Variants in LSAMP observed in about 807,000 individuals in gnomAD.
LSAMP encodes the protein limbic system-associated membrane protein.
Under a neutral mutation model 38.6 loss-of-function variants are expected in LSAMP, and 7 were observed. The observed-to-expected ratio is 0.18, with a 90% confidence interval of 0.10 to 0.34. The LOEUF is 0.34. Ranked by LOEUF, LSAMP falls within the 10% of genes least tolerant of loss-of-function variation. LSAMP has a pLI of 1.00. For missense variants in LSAMP, 313 were observed against 420.0 expected (o/e 0.75, Z 2.23); for synonymous variants, 154 against 166.8 (o/e 0.92, Z 0.59).
intron 3 of LSAMP, among the ~76,000 whole-genome samples, chr3:116,016,233 T>C (rs796740457): frequency 3.3e-5 from 5 of 152,248 alleles, no homozygotes; most frequent in African/African-American, 1.2e-4. Flanking sequence ...GTTTCCTTTA[T>C]AAAATAGCAA....
At chr3:115,888,319 G>A (rs957691735) in intron 3 of LSAMP, among the ~76,000 whole-genome samples, 3 of 151,576 alleles carry the variant, frequency 2.0e-5, no homozygotes, top group Admixed American at 6.6e-5. Context: ...TTAATACATT[G>A]CTGTTTATCT....
chr3:116,420,530 C>G (rs1336353059), intron 1 of LSAMP, among the ~76,000 whole-genome samples: 1 of 152,108 alleles, frequency 6.6e-6, no homozygotes, highest in African/African-American at 2.4e-5. Flanking sequence ...CATATTTCAG[C>G]TTTCATGAAC....
chr3:116,040,956 C>T lies in LSAMP; in HGVS notation c.389-21316G>A, dbSNP rs553056574. 2.0e-4 allele frequency among the ~76,000 whole-genome samples: 30 copies of T among 152,296 alleles called. No individual in the cohort carries two copies. The East Asian group carries it at 5.6e-3, about 28-fold the overall frequency. The stretch of plus-strand genomic sequence containing the variant: ...TTACTTTTTTGGAGACAGGGTCTCA[C>T]TCTGTCACCTAGGCTAGAGTGCTGT... On this transcript the variant is annotated intron_variant, in intron 2 of 6. Transcript: ENST00000490035.
chr3:116,226,107 C>A (rs558229733), intron 1 of LSAMP, among the ~76,000 whole-genome samples: 1 of 152,264 alleles, frequency 6.6e-6, no homozygotes, highest in Non-Finnish European at 1.5e-5. Flanking sequence ...CTCCCAAATT[C>A]TATTTCTAAT....
chr3:116,445,438 G>T lies in LSAMP; in HGVS notation c.-407C>A. 2.2e-6 allele frequency: 1 copy of T among 450,988 alleles called. No individual in the cohort carries two copies. The highest frequency in any genetic ancestry group is 3.9e-6 in the Non-Finnish European group (1 of 258,480). 27.9% of individuals were successfully genotyped at this position (450,988 alleles called of 1,614,324 possible). Reference sequence around the variant, plus strand: ...CCCAGGCTGGCGGGCGGGCGGGCGAGGGAGCCGGCACCAAGCCTGCCAGTG... The same window carrying T: ...CCCAGGCTGGCGGGCGGGCGGGCGATGGAGCCGGCACCAAGCCTGCCAGTG... On this transcript the variant is annotated 5_prime_UTR_variant, in exon 1 of 7. Coordinates refer to ENST00000490035, the MANE Select transcript of LSAMP (RefSeq NM_002338.5).
intron 1 of LSAMP, among the ~76,000 whole-genome samples, chr3:116,335,985 C>T (rs749012896): frequency 5.3e-5 from 8 of 151,966 alleles, no homozygotes; most frequent in Non-Finnish European, 1.0e-4. Context: ...TAATTTTTGA[C>T]AAGGCTGTCA....
chr3:115,887,891 T>C (rs1936495917), intron 3 of LSAMP, among the ~76,000 whole-genome samples: 1 of 151,908 alleles, frequency 6.6e-6, no homozygotes, highest in African/African-American at 2.4e-5. Flanking sequence ...TATTCATTGA[T>C]ATGTCTGAAG....
chr3:116,281,794 T>C (rs1054097413), intron 1 of LSAMP, among the ~76,000 whole-genome samples: 1 of 152,210 alleles, frequency 6.6e-6, no homozygotes, highest in Admixed American at 6.5e-5. Context: ...CCTCCCCACA[T>C]TTAAAGTTTC....
intron 1 of LSAMP, among the ~76,000 whole-genome samples, chr3:116,372,723 A>G (rs538034526): frequency 1.1e-4 from 16 of 151,920 alleles, no homozygotes; most frequent in African/African-American, 3.9e-4. Flanking sequence ...AATGGGCAAA[A>G]GACTTGAATA....
intron 1 of LSAMP, among the ~76,000 whole-genome samples, chr3:116,157,463 C>T (rs936617466): frequency 1.3e-5 from 2 of 152,042 alleles, no homozygotes; most frequent in African/African-American, 2.4e-5. Flanking sequence ...CCTTGCTAAT[C>T]AGTTCATCCA....
chr3:115,816,904 T>A (rs1209889041), intron 6 of LSAMP, among the ~76,000 whole-genome samples: 1 of 152,234 alleles, frequency 6.6e-6, no homozygotes. Flanking sequence ...CTACATTGTA[T>A]GCATGTAGAC....
intron 1 of LSAMP, among the ~76,000 whole-genome samples, chr3:116,122,191 ATATT>A (rs1172972368): frequency 6.6e-6 from 1 of 152,248 alleles, no homozygotes; most frequent in Non-Finnish European, 1.5e-5. Context: ...ATTTAGAAAT[ATATT>A]TAATAAGCTG....
At chr3:115,924,975 CCAATACCCACTCCA>C (rs1386418813) in intron 3 of LSAMP, among the ~76,000 whole-genome samples, 1 of 152,162 alleles carries the variant, frequency 6.6e-6, no homozygotes, top group Non-Finnish European at 1.5e-5. Context: ...CCTCCCACAG[CCAATACCCACTCCA>C]CAATACATTC....
chr3:115,898,599 A>ATG (rs1491445042), intron 3 of LSAMP, among the ~76,000 whole-genome samples: 2 of 32,678 alleles, frequency 6.1e-5, no homozygotes, highest in Non-Finnish European at 1.3e-4. Context: ...ATGAAGATGC[A>ATG]TATATATATA....
chr3:116,042,081 A>G (rs1199203990), intron 2 of LSAMP, among the ~76,000 whole-genome samples: 1 of 152,226 alleles, frequency 6.6e-6, no homozygotes, highest in African/African-American at 2.4e-5. Context: ...GGATAATGTT[A>G]GGTGATGAAC....
chr3:115,997,031 G>A (rs1305568442), intron 3 of LSAMP, among the ~76,000 whole-genome samples: 2 of 152,092 alleles, frequency 1.3e-5, no homozygotes, highest in South Asian at 2.1e-4. Flanking sequence ...AGCCATAAGA[G>A]TTACTTAGTT....
chr3:116,209,073 C>T (rs1034581688), intron 1 of LSAMP, among the ~76,000 whole-genome samples: 30 of 152,244 alleles, frequency 2.0e-4, no homozygotes, highest in African/African-American at 7.2e-4. Context: ...GTAGGACCCT[C>T]TGAGCCAGGT....
intron 6 of LSAMP, among the ~76,000 whole-genome samples, chr3:115,836,999 C>G (rs1934809718): frequency 6.6e-6 from 1 of 152,144 alleles, no homozygotes. Flanking sequence ...CCAGGCTGGT[C>G]TCGAACTCCT....
At chr3:116,406,458 T>G (rs2048899044) in intron 1 of LSAMP, among the ~76,000 whole-genome samples, 1 of 152,098 alleles carries the variant, frequency 6.6e-6, no homozygotes, top group Admixed American at 6.6e-5. Context: ...CCTTTCTTGG[T>G]GATTTCCCTT....
Sources: gnomAD v4.1 joint callset for allele counts (sites outside exome capture counted in the v4.1 genomes callset) on GRCh38, gnomAD v4.1.1 for gene constraint, MANE v1.5 for transcripts, NCBI Gene and HGNC (gene_info 2026-07-23, HGNC 2026-07-21) for gene names.